Variants in SPEG observed in about 807,000 individuals in gnomAD.
SPEG encodes the protein striated muscle enriched protein kinase.
In SPEG, 114 loss-of-function variants were observed where a neutral mutation model predicts 300.4. The ratio of observed to expected loss-of-function variants is 0.38; its 90% CI spans 0.33 to 0.44. SPEG has a LOEUF of 0.44. SPEG is among the 20% of genes least tolerant of loss of function. The pLI, the probability that SPEG is intolerant of heterozygous loss-of-function variation, is 1.00. For missense variants in SPEG, 4,201 were observed against 4,586.2 expected, an observed-to-expected ratio of 0.92 and a Z score of 2.43; for synonymous variants, 1,964 against 2,018.9, an observed-to-expected ratio of 0.97 and a Z score of 0.73.
At chr2:219,474,114 A>G in intron 18 of SPEG, 1 of 552,026 alleles carries the variant, frequency 1.8e-6, no homozygotes, top group Non-Finnish European at 3.1e-6. Flanking sequence ...GCGGTGGCTC[A>G]CACCTGTAAT....
chr2:219,465,798 T>A, intron 9 of SPEG: 1 of 583,018 alleles, frequency 1.7e-6, no homozygotes, highest in Non-Finnish European at 3.1e-6. Flanking sequence ...TCTGCGTGCC[T>A]GTGCGTGCAT....
At chr2:219,435,974 T>C (rs1482222205) in intron 1 of SPEG, among the ~76,000 whole-genome samples, 2 of 151,370 alleles carry the variant, frequency 1.3e-5, no homozygotes, top group Non-Finnish European at 2.9e-5. Context: ...TGAATGGAGG[T>C]GAGTGCTTGA....
chr2:219,481,107 C>G lies in SPEG; in HGVS notation c.5370-197C>G, dbSNP rs1041043435. Among the ~76,000 whole-genome samples the G allele has an allele frequency of 6.6e-6, 1 of 152,172 alleles. No individual in the cohort carries two copies. Among genetic ancestry groups the G allele is most frequent in the African/African-American group, 2.4e-5 (1 of 41,442 alleles). On this transcript the variant is annotated intron_variant, in intron 26 of 40. Transcript: ENST00000312358. The surrounding 1 kb of genome is among the most constrained non-coding windows in gnomAD (Gnocchi z 5.4). ...AGGCCACTAGGCCCCAAGGCAGCAC[C>G]ACCTCCCTGCCCATCAGGGGGGCTG...
At chr2:219,455,385 T>C (rs1690095533) in intron 6 of SPEG, among the ~76,000 whole-genome samples, 1 of 152,240 alleles carries the variant, frequency 6.6e-6, no homozygotes, top group Non-Finnish European at 1.5e-5. Flanking sequence ...ATGTGTGTGG[T>C]CCAGTATGGT....
chr2:219,457,244 A>C (rs796369629), intron 6 of SPEG, among the ~76,000 whole-genome samples: 2 of 152,312 alleles, frequency 1.3e-5, no homozygotes, highest in African/African-American at 4.8e-5. Flanking sequence ...AATGCTTGCT[A>C]ACCTGCAGCC....
At chr2:219,441,753 G>T (rs1011431054) in intron 1 of SPEG, among the ~76,000 whole-genome samples, 1 of 152,218 alleles carries the variant, frequency 6.6e-6, no homozygotes, top group African/African-American at 2.4e-5. Context: ...GTGACCGGTG[G>T]TCGTGTAGGG....
At chr2:219,466,061 G>A in intron 9 of SPEG, 1 of 1,604,454 alleles carries the variant, frequency 6.2e-7, no homozygotes, top group African/African-American at 1.3e-5. Flanking sequence ...ACACAGGCGA[G>A]TGAGCTCAGG....
intron 38 of SPEG, among the ~76,000 whole-genome samples, 166 bp from the exon 39 acceptor site, chr2:219,491,628 C>T (rs1693980072): frequency 6.6e-6 from 1 of 152,146 alleles, no homozygotes. Context: ...TGGGGTATGC[C>T]ACCACCTCTG....
intron 13 of SPEG, 98 bp downstream of exon 13, chr2:219,469,477 T>C (rs1175455825): frequency 2.0e-6 from 2 of 998,986 alleles, no homozygotes; most frequent in Non-Finnish European, 3.0e-6. Flanking sequence ...GCCTTTCCTC[T>C]GTAGCCTGAC....
chr2:219,461,715 G>A, intron 6 of SPEG, 167 bp from the exon 7 acceptor site: 1 of 845,784 alleles, frequency 1.2e-6, no homozygotes, highest in South Asian at 1.7e-5. Context: ...AGGGGCTCAG[G>A]GAGGGGAAGA....
Position 219,435,329 on chromosome 2 carries a change from T to C in SPEG, c.352T>C (p.Ser118Pro), listed in dbSNP as rs866931904. The change falls in exon 1 of 41, where the codon TCC becomes CCC. Residue 118 changes from serine to proline, a missense_variant. Physicochemically the swap from Ser to Pro is moderately conservative, Grantham distance 74. Transcript: ENST00000312358. ...CMAQNERGRA[S>P]CEAVLTVLEV... ...GGCCCAGAACGAGCGGGGCCGGGCC[T>C]CCTGCGAGGCGGTGCTCACAGTGCT... The C allele has an allele frequency of 6.5e-7, 1 of 1,538,508 alleles. No homozygotes were observed. The highest frequency in any genetic ancestry group is 2.4e-5 in the East Asian group (1 of 40,992).
At position 219,488,259 on chromosome 2, in the gene SPEG, C is replaced by A; in HGVS notation, c.7807C>A (p.Leu2603Met). 1 of 1,613,486 alleles carries A rather than the reference C, an allele frequency of 6.2e-7. No individual in the cohort carries two copies. Among genetic ancestry groups the A allele is most frequent in the Non-Finnish European group, 8.5e-7 (1 of 1,179,814 alleles). Residue 2603 changes from leucine to methionine, a missense_variant, in exon 32 of 41, where the codon CTG (leucine) becomes ATG (methionine). Coordinates refer to ENST00000312358, the MANE Select transcript of SPEG (RefSeq NM_005876.5). ...QVLLEGEAAT[L>M]LCLPAACPAP... ...GCTGCTGGAGGGGGAGGCAGCCACC[C>A]TGCTCTGCCTGCCAGCGGCCTGCCC...
intron 6 of SPEG, among the ~76,000 whole-genome samples, chr2:219,457,076 C>A (rs965386111): frequency 2.0e-5 from 3 of 152,170 alleles, no homozygotes; most frequent in African/African-American, 7.2e-5. Context: ...CATGTCAGCA[C>A]CCTGTGGAAA....
intron 1 of SPEG, chr2:219,441,463 C>A (rs970685621): frequency 1.9e-5 from 9 of 466,336 alleles, no homozygotes; most frequent in African/African-American, 1.6e-4. Context: ...TGCGTTTGAC[C>A]TAGGCGCCCC....
rs1452543548 is a variant in SPEG at position 219,459,105 on chromosome 2, C to T, written c.2441-2777C>T. On this transcript the variant is annotated intron_variant, in intron 6 of 40. Coordinates refer to ENST00000312358, the MANE Select transcript of SPEG (RefSeq NM_005876.5). This position sits in a 1 kb window ranked among gnomAD's most constrained non-coding sequence, Gnocchi z 4.9. ...CAGTATTTTCATCAAATGAGTTTGA[C>T]CTGAGAGTGATGTTGAAAGGGCAGA... 6.6e-6 allele frequency among the ~76,000 whole-genome samples: 1 copy of T among 152,148 alleles called. No homozygotes were observed. The highest frequency in any genetic ancestry group is 1.5e-5 in the Non-Finnish European group (1 of 68,034).
In SPEG at chr2:219,473,815, G is replaced by A. The variant is rs1428940593; in HGVS notation, c.4359G>A (p.Arg1453=). The A allele has an allele frequency of 1.2e-6, 2 of 1,613,814 alleles. No individual in the cohort carries two copies. The highest frequency in any genetic ancestry group is 1.3e-5 in the African/African-American group (1 of 74,946). Reference sequence around the variant, plus strand: ...ACCAGTACTGTCTTCGGATCTGCCGGGTGAGCCGCCGGGACATGGGGGCCC... The same window carrying A: ...ACCAGTACTGTCTTCGGATCTGCCGAGTGAGCCGCCGGGACATGGGGGCCC... ...DDDQYCLRIC[R]VSRRDMGALT... is the part of the protein sequence containing the mutation. Residue 1453 remains arginine, a synonymous_variant, in exon 18 of 41, where the codon CGG becomes CGA. Coordinates refer to ENST00000312358, the MANE Select transcript of SPEG (RefSeq NM_005876.5). The surrounding 1 kb of genome is among the most constrained non-coding windows in gnomAD (Gnocchi z 4.6).
At position 219,448,994 on chromosome 2, in the gene SPEG, G is replaced by A; in HGVS notation, c.1836G>A (p.Pro612=). ...TCCAGGAGTGCAGGAGCCCTGTGCC[G>A]CCCCCCGCCGCCGATCCCCCAGAGG... The part of the protein sequence containing the change: ...RAIQECRSPV[P]PPAADPPEAR... The change falls in exon 4 of 41, where the codon CCG becomes CCA. Residue 612 remains proline (P), a synonymous_variant. Coordinates refer to ENST00000312358, the MANE Select transcript of SPEG (RefSeq NM_005876.5). 2.7e-6 allele frequency: 4 copies of A among 1,481,034 alleles called. No homozygotes were observed. Among genetic ancestry groups the A allele is most frequent in the Admixed American group, 2.5e-5 (1 of 40,290 alleles). 91.7% of individuals were successfully genotyped at this position (1,481,034 alleles called of 1,614,324 possible).
Position 219,445,203 on chromosome 2 carries a change from C to A in SPEG, c.815+42C>A. ...CCTGGGCCTGAACTGCCCCATCTCA[C>A]CACGCTGTCCTGCGCTGCCCTCACT... On this transcript the variant is annotated intron_variant, in intron 3 of 40. Coordinates refer to ENST00000312358, the MANE Select transcript of SPEG (RefSeq NM_005876.5). The surrounding 1 kb of genome is among the most constrained non-coding windows in gnomAD (Gnocchi z 6.1). The A allele has an allele frequency of 6.6e-7, 1 of 1,516,658 alleles. No individual in the cohort carries two copies. The highest frequency in any genetic ancestry group is 9.0e-7 in the Non-Finnish European group (1 of 1,116,352). The allele number at this position is 1,516,658 out of a possible 1,614,324, so 94.0% of individuals were successfully genotyped here. A position where few individuals can be genotyped will look rare whatever the true frequency, so the allele number is the denominator to read the frequency against.
chr2:219,443,308 C>A lies in SPEG; in HGVS notation c.389-1345C>A. 1.3e-6 allele frequency: 1 copy of A among 793,818 alleles called. No individual in the cohort carries two copies. Among genetic ancestry groups the A allele is most frequent in the Non-Finnish European group, 2.2e-6 (1 of 446,284 alleles). 49.2% of individuals were successfully genotyped at this position (793,818 alleles called of 1,614,324 possible). A position where few individuals can be genotyped will look rare whatever the true frequency, so the allele number is the denominator to read the frequency against. ...TCTACCACCCACCCGACCAGGCCCC[C>A]TGTGCCCTACAGCTGAGAGAGGACC... On this transcript the variant is annotated intron_variant, in intron 1 of 40. Transcript: ENST00000312358. This position sits in a 1 kb window ranked among gnomAD's most constrained non-coding sequence, Gnocchi z 4.6.
Sources: allele counts gnomAD v4.1 joint callset (sites outside exome capture counted in the v4.1 genomes callset), GRCh38; gene constraint gnomAD v4.1.1; non-coding constraint Gnocchi (gnomAD v3.1); transcripts MANE v1.5; gene names NCBI Gene and HGNC (gene_info 2026-07-23, HGNC 2026-07-21).